PCNX2: variants seen among roughly 807,000 people sequenced by gnomAD.
PCNX2 encodes pecanex 2, also known as pecanex-like protein 2.
A neutral mutation model predicts 223.8 loss-of-function variants in PCNX2; 168 were observed. That is an observed-to-expected ratio of 0.75 (90% CI 0.66 to 0.85). The LOEUF (loss-of-function observed/expected upper bound fraction) is 0.85. Ranked by LOEUF, PCNX2 falls within the 40% of genes least tolerant of loss-of-function variation. PCNX2 has a pLI of 0.00. For synonymous variants in PCNX2, 1,006 were observed against 1,052.6 expected, an observed-to-expected ratio of 0.96 and a Z score of 0.86; for missense variants, 2,507 against 2,675.5, an observed-to-expected ratio of 0.94 and a Z score of 1.39.
At chr1:233,095,303 A>C (rs1674098320) in intron 22 of PCNX2, 1 of 155,094 alleles carries the variant, frequency 6.4e-6, no homozygotes, top group South Asian at 1.9e-4. Context: ...GTTTGTACCT[A>C]ATCTTGTGTT....
intron 24 of PCNX2, among the ~76,000 whole-genome samples, chr1:233,056,898 T>G (rs1672210082): frequency 6.6e-6 from 1 of 152,200 alleles, no homozygotes; most frequent in East Asian, 1.9e-4. Context: ...CATGCTGATG[T>G]TTTTCCAAAG....
intron 5 of PCNX2, among the ~76,000 whole-genome samples, chr1:233,255,309 T>G (rs57495163): frequency 0.011 from 1,622 of 152,242 alleles, 21 homozygotes; most frequent in African/African-American, 0.037. Context: ...GATGACTCAC[T>G]CCTAGTCCAG....
chr1:233,162,882 T>C (rs1678575662), intron 17 of PCNX2, among the ~76,000 whole-genome samples: 1 of 152,212 alleles, frequency 6.6e-6, no homozygotes, highest in Admixed American at 6.5e-5. Flanking sequence ...CATCTTTGTC[T>C]AAAAGGAAAA....
At chr1:233,013,746 C>T (rs1558162357) in intron 28 of PCNX2, among the ~76,000 whole-genome samples, 1 of 152,334 alleles carries the variant, frequency 6.6e-6, no homozygotes, top group Admixed American at 6.5e-5. Context: ...GGTTTGTGTT[C>T]TCAACCTTGG....
intron 23 of PCNX2, among the ~76,000 whole-genome samples, chr1:233,079,889 C>G (rs1324325708): frequency 6.6e-6 from 1 of 152,152 alleles, no homozygotes; most frequent in African/African-American, 2.4e-5. Context: ...CTGCTGGTCC[C>G]CAAACACTAA....
In PCNX2 at chr1:233,108,177, T is replaced by C. The variant is rs193144931; in HGVS notation, c.3838-12314A>G. ...GTTGTCTGTGGAGGATCCATTCTTT[T>C]ATTCCTTCACTTCCTTAATAAACTT... On this transcript the variant is annotated intron_variant, in intron 21 of 33. Transcript: ENST00000258229. Among the ~76,000 whole-genome samples the C allele has an allele frequency of 2.1e-4, 32 of 152,312 alleles. 1 individual carries two copies. The East Asian group carries it at 4.6e-3, about 22-fold the overall frequency.
chr1:233,291,771 C>T (rs1322450154), intron 1 of PCNX2: 4 of 982,018 alleles, frequency 4.1e-6, no homozygotes, highest in Admixed American at 1.3e-4. Flanking sequence ...AGAATAAAGA[C>T]AAAACACATG....
intron 23 of PCNX2, among the ~76,000 whole-genome samples, chr1:233,089,168 C>A (rs1673748846): frequency 6.8e-6 from 1 of 148,104 alleles, no homozygotes; most frequent in East Asian, 2.0e-4. Flanking sequence ...AATGCTGGCA[C>A]TCTGCAAAAT....
intron 21 of PCNX2, among the ~76,000 whole-genome samples, chr1:233,105,300 CTG>C (rs1245660492): frequency 6.6e-6 from 1 of 152,004 alleles, no homozygotes; most frequent in Non-Finnish European, 1.5e-5. Flanking sequence ...AAAAGAAAAA[CTG>C]TATGTTGCTC....
chr1:233,067,245 C>T lies in PCNX2; in HGVS notation c.4077-9955G>A, dbSNP rs116390104. Among the ~76,000 whole-genome samples the T allele has an allele frequency of 9.3e-5, 14 of 150,222 alleles. No individual in the cohort carries two copies. In the South Asian group the frequency reaches 1.3e-3, roughly 14 times the overall value. ...AGACCTCAAAATGAATTTTAAAAGA[C>T]AATAGATGCCAAAATTGAGATGATG... On this transcript the variant is annotated intron_variant, in intron 23 of 33. Transcript: ENST00000258229.
intron 1 of PCNX2, among the ~76,000 whole-genome samples, chr1:233,273,070 A>C (rs12126501): frequency 0.099 from 14,969 of 151,704 alleles, 906 homozygotes; most frequent in South Asian, 0.19. Flanking sequence ...GATGGGTGCA[A>C]CAAAGTCTCA....
At chr1:233,147,580 T>C (rs1315203753) in intron 19 of PCNX2, among the ~76,000 whole-genome samples, 1 of 143,598 alleles carries the variant, frequency 7.0e-6, no homozygotes, top group African/African-American at 2.9e-5. Flanking sequence ...TAACTTTTAC[T>C]GAAAAAAAAA....
chr1:233,027,319 C>T (rs925276914), intron 25 of PCNX2, among the ~76,000 whole-genome samples: 13 of 151,928 alleles, frequency 8.6e-5, no homozygotes, highest in African/African-American at 3.1e-4. Flanking sequence ...CAAGAAATAA[C>T]GGGAGGGGAA....
chr1:233,243,678 A>G (rs1208697848), intron 8 of PCNX2, among the ~76,000 whole-genome samples: 2 of 152,214 alleles, frequency 1.3e-5, no homozygotes, highest in Non-Finnish European at 2.9e-5. Context: ...ATCAAGAAAC[A>G]AAAGTCAACA....
At chr1:233,083,618 A>C (rs922893416) in intron 23 of PCNX2, among the ~76,000 whole-genome samples, 3 of 152,238 alleles carry the variant, frequency 2.0e-5, no homozygotes, top group African/African-American at 7.2e-5. Context: ...ACGAGAGCTC[A>C]CTAAGACTAG....
chr1:233,003,303 T>G (rs961228335), intron 28 of PCNX2, among the ~76,000 whole-genome samples: 1 of 151,918 alleles, frequency 6.6e-6, no homozygotes, highest in African/African-American at 2.4e-5. Context: ...TTAAACAAAT[T>G]TATAAGAAAA....
At chr1:233,021,224 CA>C (rs977029070) in intron 26 of PCNX2, among the ~76,000 whole-genome samples, 19 of 152,218 alleles carry the variant, frequency 1.2e-4, no homozygotes, top group Middle Eastern at 6.8e-3. Context: ...CTGGCAGTAC[CA>C]ATGTGAATTA....
At chr1:233,175,754 G>T (rs143184764) in intron 17 of PCNX2, among the ~76,000 whole-genome samples, 1 of 151,940 alleles carries the variant, frequency 6.6e-6, no homozygotes, top group African/African-American at 2.4e-5. Context: ...CTTTTAACCT[G>T]CTTTTAAATG....
intron 4 of PCNX2, among the ~76,000 whole-genome samples, chr1:233,260,453 A>T (rs1316164271): frequency 6.6e-6 from 1 of 152,238 alleles, no homozygotes; most frequent in Non-Finnish European, 1.5e-5. Context: ...AAAACACATA[A>T]AGTAACGTTG....
Sources: allele counts gnomAD v4.1 joint callset (sites outside exome capture counted in the v4.1 genomes callset), GRCh38; gene constraint gnomAD v4.1.1; transcripts MANE v1.5; gene names NCBI Gene and HGNC (gene_info 2026-07-23, HGNC 2026-07-21).